The following RUFY2 variants were observed in gnomAD, a reference collection of about 807,000 sequenced individuals.
RUFY2 encodes RUN and FYVE domain-containing protein 2.
Under a neutral mutation model 94.4 loss-of-function variants are expected in RUFY2, and 49 were observed. The observed-to-expected ratio is 0.52, with a 90% confidence interval of 0.41 to 0.66. The LOEUF (loss-of-function observed/expected upper bound fraction) is 0.66. Among genes scored for constraint, RUFY2 ranks in the 30% least tolerant of loss-of-function variants. The probability of loss-of-function intolerance (pLI) is 0.00; values close to 1 mark genes in which losing one functional copy is unlikely to be tolerated. For synonymous variants in RUFY2, 255 were observed against 235.7 expected, an observed-to-expected ratio of 1.08 and a Z score of -0.75; for missense variants, 541 against 692.8, an observed-to-expected ratio of 0.78 and a Z score of 2.46.
At chr10:68,376,458 A>T (rs1267490515) in intron 13 of RUFY2, among the ~76,000 whole-genome samples, 2 of 29,294 alleles carry the variant, frequency 6.8e-5, no homozygotes, top group Non-Finnish European at 1.4e-4. Context: ...ATATATATAT[A>T]TATATATATA....
At chr10:68,390,414 T>C (rs1044474234) in intron 7 of RUFY2, among the ~76,000 whole-genome samples, 1 of 152,192 alleles carries the variant, frequency 6.6e-6, no homozygotes, top group Admixed American at 6.5e-5. Flanking sequence ...TTACTAATTA[T>C]TAAATGTGAT....
chr10:68,341,126 C>CT (rs1479600641), downstream of RUFY2: 18 of 1,354,744 alleles, frequency 1.3e-5, no homozygotes, highest in Middle Eastern at 1.9e-4. Flanking sequence ...TGGTAATTTA[C>CT]TTTAATATTC....
chr10:68,382,932 C>T (rs923433942), intron 10 of RUFY2, among the ~76,000 whole-genome samples: 2 of 152,142 alleles, frequency 1.3e-5, no homozygotes, highest in African/African-American at 4.8e-5. Flanking sequence ...ATATGACTTT[C>T]CTAATATTTG....
chr10:68,401,695 G>A lies in RUFY2; in HGVS notation c.221C>T (p.Pro74Leu). ...FLSYNKTIWG[P>L]LELVEKLYPE... Reference sequence around the variant, plus strand: ...GTACAGCTTCTCCACCAGTTCCAAAGGGCCCCAGATGGTTTTGTTGTAACT... The same window carrying A: ...GTACAGCTTCTCCACCAGTTCCAAAAGGCCCCAGATGGTTTTGTTGTAACT... Residue 74 changes from proline to leucine, a missense_variant, in exon 3 of 18, where the codon CCT (proline) becomes CTT (leucine). Physicochemically the swap from Pro to Leu is moderately conservative, Grantham distance 98. Coordinates refer to ENST00000602465, the MANE Select transcript of RUFY2 (RefSeq NM_001330103.2). The A allele has an allele frequency of 6.2e-7, 1 of 1,613,838 alleles. No individual in the cohort carries two copies. Among genetic ancestry groups the A allele is most frequent in the Non-Finnish European group, 8.5e-7 (1 of 1,179,862 alleles).
chr10:68,344,954 C>CTATTACATACTT lies in RUFY2; in HGVS notation c.*802_*813dup, dbSNP rs2046192551. On this transcript the variant is annotated 3_prime_UTR_variant, in exon 18 of 18. Transcript: ENST00000602465. ...TATAAGGAGCCTGTAACATCCCCTA[C>CTATTACATACTT]TATTACATACTTTTTTTTCTGGGGA... The CTATTACATACTT allele has an allele frequency of 6.6e-6, 1 of 152,272 alleles. No individual in the cohort carries two copies. The highest frequency in any genetic ancestry group is 2.1e-4 in the South Asian group (1 of 4,826). 9.4% of individuals were successfully genotyped at this position (152,272 alleles called of 1,614,324 possible).
chr10:68,369,938 GTT>G (rs1298675400), intron 13 of RUFY2, among the ~76,000 whole-genome samples: 1 of 151,722 alleles, frequency 6.6e-6, no homozygotes, highest in Non-Finnish European at 1.5e-5. Flanking sequence ...AAATAAACCT[GTT>G]TTCTTTTTAA....
intron 11 of RUFY2, 106 bp downstream of exon 11, chr10:68,381,126 A>G (rs1040162227): frequency 2.8e-5 from 21 of 750,874 alleles, no homozygotes; most frequent in Non-Finnish European, 3.1e-5. Flanking sequence ...GGCCTTTATA[A>G]TATTGCACAG....
chr10:68,377,136 G>C (rs2048732758), intron 12 of RUFY2, 164 bp from the exon 13 acceptor site: 1 of 1,473,128 alleles, frequency 6.8e-7, no homozygotes, highest in Non-Finnish European at 9.0e-7. Flanking sequence ...GCCACACAAT[G>C]TCTAGAAGTT....
intron 10 of RUFY2, among the ~76,000 whole-genome samples, chr10:68,382,214 A>C (rs949038891): frequency 1.3e-5 from 2 of 149,016 alleles, no homozygotes; most frequent in Admixed American, 6.6e-5. Flanking sequence ...ATGACTGGCT[A>C]ATTTTTTTTT....
chr10:68,382,881 T>C lies in RUFY2; in HGVS notation c.939+917A>G, dbSNP rs187616235. Among the ~76,000 whole-genome samples, 8 of 152,334 alleles carry C rather than the reference T, an allele frequency of 5.3e-5. No individual in the cohort carries two copies. In the East Asian group the frequency reaches 1.5e-3, roughly 29 times the overall value. On this transcript the variant is annotated intron_variant, in intron 10 of 17. Transcript: ENST00000602465. ...TATTCGTATTTTTCTGTTGGCATTATATTTCACAATTTCAAAGGTTAAAAA... is the reference window on the plus strand; with the variant it reads ...TATTCGTATTTTTCTGTTGGCATTACATTTCACAATTTCAAAGGTTAAAAA...
chr10:68,400,642 C>T lies in RUFY2; in HGVS notation c.296+978G>A, dbSNP rs544186935. Among the ~76,000 whole-genome samples the T allele has an allele frequency of 2.6e-5, 4 of 151,186 alleles. No homozygotes were observed. The South Asian group carries it at 8.4e-4, about 32-fold the overall frequency. On this transcript the variant is annotated intron_variant, in intron 3 of 17. Coordinates refer to ENST00000602465, the MANE Select transcript of RUFY2 (RefSeq NM_001330103.2). ...AGTGAGCTGAAATCGCACCACTACACTCCAGCCTGGGCAACACAGCAAGAC... is the reference window on the plus strand; with the variant it reads ...AGTGAGCTGAAATCGCACCACTACATTCCAGCCTGGGCAACACAGCAAGAC...
chr10:68,391,777 T>C (rs182538710), intron 7 of RUFY2, among the ~76,000 whole-genome samples: 3 of 150,606 alleles, frequency 2.0e-5, no homozygotes, highest in Non-Finnish European at 4.4e-5. Flanking sequence ...CTGGTCAACA[T>C]GGTGAAACCC....
intron 10 of RUFY2, among the ~76,000 whole-genome samples, chr10:68,382,510 C>T (rs1289733443): frequency 6.6e-6 from 1 of 150,946 alleles, no homozygotes; most frequent in Non-Finnish European, 1.5e-5. Context: ...GTCAAGAGAT[C>T]GAGACCATCC....
At chr10:68,350,818 T>C (rs1438577815) in intron 16 of RUFY2, among the ~76,000 whole-genome samples, 1 of 151,876 alleles carries the variant, frequency 6.6e-6, no homozygotes, top group East Asian at 1.9e-4. Flanking sequence ...GTTCAAGCAA[T>C]TCTCCTGCCT....
Position 68,374,368 on chromosome 10 carries a change from T to C in RUFY2, c.1325+2485A>G, listed in dbSNP as rs541695143. ...TTAATCAACGGAAAGCAGGAGTCAC[T>C]ATATTAATATCAGAAAAATTAACTT... On this transcript the variant is annotated intron_variant, in intron 13 of 17. Transcript: ENST00000602465. Among the ~76,000 whole-genome samples the C allele has an allele frequency of 2.6e-5, 4 of 152,120 alleles. No homozygotes were observed. In the East Asian group the frequency reaches 7.7e-4, roughly 29 times the overall value.
chr10:68,368,027 G>A (rs1347899191), intron 13 of RUFY2, among the ~76,000 whole-genome samples: 2 of 150,736 alleles, frequency 1.3e-5, no homozygotes, highest in African/African-American at 4.9e-5. Context: ...GTGAAGTGGC[G>A]TGACCTCAGC....
intron 15 of RUFY2, among the ~76,000 whole-genome samples, chr10:68,359,599 A>G (rs983786436): frequency 6.8e-6 from 1 of 146,954 alleles, no homozygotes; most frequent in Non-Finnish European, 1.5e-5. Flanking sequence ...ACATAGTAGT[A>G]GTGCTACTAT....
downstream of RUFY2, chr10:68,341,899 A>G (rs2273902): frequency 0.036 from 57,362 of 1,592,386 alleles, 2,713 homozygotes; most frequent in East Asian, 0.27. Flanking sequence ...TGTAGTGCAA[A>G]CTTTAAAGTG....
At chr10:68,360,094 G>C (rs2047354760) in intron 15 of RUFY2, among the ~76,000 whole-genome samples, 1 of 151,944 alleles carries the variant, frequency 6.6e-6, no homozygotes, top group African/African-American at 2.4e-5. Flanking sequence ...CAAAGTGCTG[G>C]GATTGCAGGC....
Sources: allele counts gnomAD v4.1 joint callset (sites outside exome capture counted in the v4.1 genomes callset), GRCh38; gene constraint gnomAD v4.1.1; transcripts MANE v1.5; gene names NCBI Gene and HGNC (gene_info 2026-07-23, HGNC 2026-07-21).